The following MGAT4A variants were observed in gnomAD, a reference collection of about 807,000 sequenced individuals.
MGAT4A encodes N-acetylglucosaminyltransferase IVa.
MGAT4A carries 33 observed loss-of-function variants against 74.1 expected under a neutral mutation model. The ratio of observed to expected loss-of-function variants is 0.45; its 90% CI spans 0.34 to 0.60. The LOEUF is 0.60. MGAT4A is among the 20% of genes least tolerant of loss of function. MGAT4A has a pLI of 0.02. For missense variants in MGAT4A, 479 were observed against 628.3 expected (o/e 0.76, Z 2.54); for synonymous variants, 198 against 210.4 (o/e 0.94, Z 0.51).
chr2:98,657,401 G>A (rs1701674514), intron 6 of MGAT4A, among the ~76,000 whole-genome samples: 1 of 152,150 alleles, frequency 6.6e-6, no homozygotes, highest in African/African-American at 2.4e-5. Context: ...AATCATTACT[G>A]CCCTGTTCCT....
chr2:98,641,995 C>CAAAA, intron 10 of MGAT4A, among the ~76,000 whole-genome samples: 1 of 71,012 alleles, frequency 1.4e-5, no homozygotes, highest in East Asian at 4.3e-4. Context: ...AACTCTGTCT[C>CAAAA]AAAAAAAAAA....
chr2:98,624,370 A>G lies in MGAT4A; in HGVS notation c.*1196T>C. ...AGATCACTGATTGCTGAGACCGGTA[A>G]TATTCTTTGTTTATAGTAGTAATAT... On this transcript the variant is annotated 3_prime_UTR_variant, in exon 16 of 16. Coordinates refer to ENST00000393487, the MANE Select transcript of MGAT4A (RefSeq NM_012214.3). The G allele has an allele frequency of 1.0e-6, 1 of 963,384 alleles. No homozygotes were observed. The highest frequency in any genetic ancestry group is 1.2e-6 in the Non-Finnish European group (1 of 809,940). The allele number at this position is 963,384 out of a possible 1,614,324, so 59.7% of individuals were successfully genotyped here. A position where few individuals can be genotyped will look rare whatever the true frequency, so the allele number is the denominator to read the frequency against.
At chr2:98,683,251 A>C (rs1199845472) in intron 2 of MGAT4A, among the ~76,000 whole-genome samples, 1 of 152,166 alleles carries the variant, frequency 6.6e-6, no homozygotes, top group Non-Finnish European at 1.5e-5. Context: ...TGCTGTCAAG[A>C]ACATTACTGG....
chr2:98,644,236 T>G (rs1193657719), intron 9 of MGAT4A, among the ~76,000 whole-genome samples, 183 bp from the exon 10 acceptor site: 1 of 152,226 alleles, frequency 6.6e-6, no homozygotes, highest in Admixed American at 6.5e-5. Context: ...AACTTTCTCT[T>G]GAGCTGTCAC....
At chr2:98,714,820 G>A (rs1369642529) in intron 2 of MGAT4A, among the ~76,000 whole-genome samples, 3 of 152,020 alleles carry the variant, frequency 2.0e-5, no homozygotes, top group Admixed American at 6.6e-5. Flanking sequence ...GGTTAATTTC[G>A]TTATGTTAAT....
chr2:98,686,708 G>A (rs185932355), intron 2 of MGAT4A, among the ~76,000 whole-genome samples: 11 of 152,038 alleles, frequency 7.2e-5, no homozygotes, highest in Admixed American at 3.9e-4. Flanking sequence ...TGCCACACTC[G>A]GCCAAGTTTT....
intron 5 of MGAT4A, among the ~76,000 whole-genome samples, chr2:98,661,152 C>T (rs1599827): frequency 0.57 from 86,962 of 152,062 alleles, 27,741 homozygotes; most frequent in African/African-American, 0.86. Flanking sequence ...AACAGATATA[C>T]GAAAAATCCT....
intron 12 of MGAT4A, among the ~76,000 whole-genome samples, chr2:98,637,187 T>C (rs1701336543): frequency 6.6e-6 from 1 of 152,114 alleles, no homozygotes; most frequent in Admixed American, 6.5e-5. Context: ...GGTATGTACC[T>C]GTAGTCCCAG....
In MGAT4A at chr2:98,640,001, C is replaced by G. The variant is rs1701381136; in HGVS notation, c.1129G>C (p.Asp377His). 6.2e-7 allele frequency: 1 copy of G among 1,608,356 alleles called. No homozygotes were observed. The highest frequency in any genetic ancestry group is 1.3e-5 in the African/African-American group (1 of 74,572). Residue 377 changes from aspartate to histidine, a missense_variant and splice_region_variant, in exon 12 of 16, where the codon GAT becomes CAT. Around this residue, in one of 3 missense-constraint regions of MGAT4A, gnomAD observed 236 missense variants for 308.2 expected, o/e 0.77. Coordinates refer to ENST00000393487, the MANE Select transcript of MGAT4A (RefSeq NM_012214.3). ...SLSGKIQKLTDKDYMKPLLLK... is the reference protein window; with the variant it reads ...SLSGKIQKLTHKDYMKPLLLK... The stretch of plus-strand genomic sequence containing the variant: ...AGTAATGGTTTCATATAATCTTTAT[C>G]CTGGGAGCAAAGACATATATGCTAT...
At chr2:98,652,214 C>T (rs531965291) in intron 8 of MGAT4A, among the ~76,000 whole-genome samples, 2 of 152,200 alleles carry the variant, frequency 1.3e-5, no homozygotes, top group Non-Finnish European at 2.9e-5. Flanking sequence ...CAAACGGACC[C>T]GACAGACATA....
At chr2:98,639,783 C>A in intron 12 of MGAT4A, 25 bp downstream of exon 12, 1 of 1,563,932 alleles carries the variant, frequency 6.4e-7, no homozygotes, top group South Asian at 1.1e-5. Flanking sequence ...ATTGTAAGAT[C>A]ACATACATTT....
intron 4 of MGAT4A, among the ~76,000 whole-genome samples, chr2:98,673,372 A>G (rs965665184): frequency 1.3e-5 from 2 of 152,174 alleles, no homozygotes; most frequent in Non-Finnish European, 2.9e-5. Flanking sequence ...AATTACAAAT[A>G]AAATTATATT....
intron 2 of MGAT4A, among the ~76,000 whole-genome samples, chr2:98,714,674 G>C (rs940715345): frequency 6.6e-6 from 1 of 152,074 alleles, no homozygotes; most frequent in Non-Finnish European, 1.5e-5. Context: ...CCAGGACAGG[G>C]GTAGAGAAAA....
intron 14 of MGAT4A, among the ~76,000 whole-genome samples, chr2:98,626,232 G>T (rs989358937): frequency 3.3e-5 from 5 of 152,126 alleles, no homozygotes; most frequent in African/African-American, 1.2e-4. Flanking sequence ...AACAAATTTT[G>T]ATTTGTTAAT....
At chr2:98,723,349 C>T (rs896462115) in intron 2 of MGAT4A, among the ~76,000 whole-genome samples, 6 of 152,162 alleles carry the variant, frequency 3.9e-5, no homozygotes, top group African/African-American at 7.2e-5. Flanking sequence ...CCGGAAGACA[C>T]GTACCCCTGA....
chr2:98,622,689 G>A lies in MGAT4A; in HGVS notation c.*2877C>T, dbSNP rs149368643. The A allele has an allele frequency of 1.7e-3, 1,650 of 985,630 alleles. 23 individuals carry two copies. The African/African-American group carries it at 0.026, about 16-fold the overall frequency. The allele number at this position is 985,630 out of a possible 1,614,324, so 61.1% of individuals were successfully genotyped here. Reference sequence around the variant, plus strand: ...GGAGTAACTAACAGTGAGAGGCCCTGAGCACCCACCATAGGAGAGGACAGA... The same window carrying A: ...GGAGTAACTAACAGTGAGAGGCCCTAAGCACCCACCATAGGAGAGGACAGA... On this transcript the variant is annotated 3_prime_UTR_variant, in exon 16 of 16. Transcript: ENST00000393487.
chr2:98,702,612 C>T (rs971157110), intron 2 of MGAT4A, among the ~76,000 whole-genome samples: 4 of 152,162 alleles, frequency 2.6e-5, no homozygotes, highest in Admixed American at 6.5e-5. Context: ...ACAGCTGGGG[C>T]GCACTCGCAA....
chr2:98,632,972 C>A (rs1017750330), intron 14 of MGAT4A, among the ~76,000 whole-genome samples: 10 of 152,206 alleles, frequency 6.6e-5, no homozygotes, highest in African/African-American at 2.4e-4. Context: ...GTTGGCCAGG[C>A]TAGTCTTGAA....
chr2:98,654,994 G>A, intron 8 of MGAT4A, among the ~76,000 whole-genome samples: 1 of 152,072 alleles, frequency 6.6e-6, no homozygotes, highest in Non-Finnish European at 1.5e-5. Flanking sequence ...AAAATAATTG[G>A]ACTGTTAGAA....
Sources: gnomAD v4.1 joint callset for allele counts (sites outside exome capture counted in the v4.1 genomes callset) on GRCh38, gnomAD v4.1.1 for gene constraint, gnomAD v4.1.1 regional missense constraint, MANE v1.5 for transcripts, NCBI Gene and HGNC (gene_info 2026-07-23, HGNC 2026-07-21) for gene names.